Variants in ARMC12 observed in about 807,000 individuals in gnomAD.
ARMC12 encodes the protein armadillo repeat-containing protein 12.
A neutral mutation model predicts 37.4 loss-of-function variants in ARMC12; 25 were observed. That is an observed-to-expected ratio of 0.67 (90% CI 0.49 to 0.93). The LOEUF (loss-of-function observed/expected upper bound fraction) is 0.93. Among genes scored for constraint, ARMC12 ranks in the 40% least tolerant of loss-of-function variants. The pLI is 0.00. For synonymous variants in ARMC12, 167 were observed against 176.1 expected (o/e 0.95, Z 0.41); for missense variants, 384 against 426.6 (o/e 0.90, Z 0.88).
rs1321010729 is a variant in ARMC12, at chr6:35,748,920, T to C, written c.*50T>C. 7 of 1,525,452 alleles carry C rather than the reference T, an allele frequency of 4.6e-6. No individual in the cohort carries two copies. Among genetic ancestry groups the C allele is most frequent in the Non-Finnish European group, 6.2e-6 (7 of 1,132,322 alleles). 94.5% of individuals were successfully genotyped at this position (1,525,452 alleles called of 1,614,324 possible). On this transcript the variant is annotated 3_prime_UTR_variant, in exon 6 of 6. Coordinates refer to ENST00000373866, the MANE Select transcript of ARMC12 (RefSeq NM_001286574.2). ...TATAGGAGAGAAACTTGAAGTTTCTTGAAGCTCGAATGTCTGTTGGTGGCC... is the reference window on the plus strand; with the variant it reads ...TATAGGAGAGAAACTTGAAGTTTCTCGAAGCTCGAATGTCTGTTGGTGGCC...
At chr6:35,742,527 G>T (rs1174688962) in intron 3 of ARMC12, among the ~76,000 whole-genome samples, 1 of 141,798 alleles carries the variant, frequency 7.1e-6, no homozygotes, top group South Asian at 2.3e-4. Flanking sequence ...AAAAGCCCAG[G>T]GAGTTCAGTT....
At chr6:35,733,102 G>A (rs1766872940), upstream of ARMC12, among the ~76,000 whole-genome samples, 2 of 152,174 alleles carry the variant, frequency 1.3e-5, no homozygotes, top group Non-Finnish European at 2.9e-5. Flanking sequence ...AACCTGGGAG[G>A]CGGAGGTTGC....
the ARMC12 span, among the ~76,000 whole-genome samples, chr6:35,731,533 T>G: frequency 3.4e-4 from 51 of 151,780 alleles, no homozygotes; most frequent in East Asian, 3.1e-3. Context: ...CCTCTCTCCA[T>G]CGTCTCCTGG....
upstream of ARMC12, chr6:35,734,068 G>C (rs1766897191): frequency 1.3e-5 from 2 of 152,198 alleles, no homozygotes; most frequent in African/African-American, 4.8e-5. Flanking sequence ...ACAAGTGAAA[G>C]CCAGGTTCCC....
chr6:35,734,387 C>G (rs576196308), upstream of ARMC12, among the ~76,000 whole-genome samples: 130 of 152,278 alleles, frequency 8.5e-4, 2 homozygotes, highest in Middle Eastern at 0.02. Context: ...GGCTCGAACT[C>G]CTGGGCTCAA....
At chr6:35,731,773 G>A in the ARMC12 span, among the ~76,000 whole-genome samples, 1 of 152,142 alleles carries the variant, frequency 6.6e-6, no homozygotes, top group Non-Finnish European at 1.5e-5. Flanking sequence ...AACAGCTGCG[G>A]GCCACGAGAT....
intron 3 of ARMC12, among the ~76,000 whole-genome samples, chr6:35,746,278 G>A (rs571588094): frequency 6.6e-6 from 1 of 152,206 alleles, no homozygotes; most frequent in South Asian, 2.1e-4. Context: ...GCTAAGCAGA[G>A]GGCACAGCCT....
At chr6:35,743,132 CTTGCTTACTTCTTACATGGCTCATAAAG>C (rs1229847959) in intron 3 of ARMC12, among the ~76,000 whole-genome samples, 1 of 151,804 alleles carries the variant, frequency 6.6e-6, no homozygotes, top group African/African-American at 2.4e-5. Flanking sequence ...CTCCAGGACT[CTTGCTTACTTCTTACATGGCTCATAAAG>C]GTGCAGCTCG....
In ARMC12 at chr6:35,741,816, A is replaced by G. The variant is rs193302706; in HGVS notation, c.444+3298A>G. On this transcript the variant is annotated intron_variant, in intron 3 of 5. Transcript: ENST00000373866. ...CAACTATGATATATCAATAAAAGCA[A>G]ACACACAAAAGAATAAAAATAGATT... 2.0e-3 allele frequency among the ~76,000 whole-genome samples: 300 copies of G among 152,292 alleles called. 2 individuals carry two copies. Among genetic ancestry groups the G allele is most frequent in the African/African-American group, 6.7e-3 (277 of 41,554 alleles).
intron 3 of ARMC12, among the ~76,000 whole-genome samples, chr6:35,744,757 A>C (rs533118389): frequency 1.6e-4 from 25 of 152,306 alleles, no homozygotes; most frequent in Non-Finnish European, 2.6e-4. Flanking sequence ...TCTGTCTAAA[A>C]ACAAAAACAA....
intron 3 of ARMC12, among the ~76,000 whole-genome samples, chr6:35,742,071 G>T (rs886734348): frequency 2.8e-4 from 42 of 151,644 alleles, no homozygotes; most frequent in Non-Finnish European, 5.6e-4. Context: ...TGTTCAGGCT[G>T]GTCTCGAACT....
chr6:35,731,625 G>A, the ARMC12 span, among the ~76,000 whole-genome samples: 1 of 152,162 alleles, frequency 6.6e-6, no homozygotes, highest in Admixed American at 6.5e-5. Flanking sequence ...CGCCGGGCCA[G>A]CATCTAACTA....
intron 2 of ARMC12, 98 bp from the exon 3 acceptor site, chr6:35,738,286 T>TGGA: frequency 1.9e-6 from 2 of 1,059,414 alleles, no homozygotes; most frequent in Non-Finnish European, 2.5e-6. Flanking sequence ...CTGATAGCGG[T>TGGA]GGGGGGGGGG....
upstream of ARMC12, among the ~76,000 whole-genome samples, chr6:35,732,696 A>G (rs1384979715): frequency 1.3e-5 from 2 of 152,224 alleles, no homozygotes; most frequent in African/African-American, 4.8e-5. Flanking sequence ...ATACTGGTAA[A>G]GAGAATGAGG....
chr6:35,747,713 G>A (rs1767386374), intron 5 of ARMC12, 66 bp downstream of exon 5: 2 of 1,505,852 alleles, frequency 1.3e-6, no homozygotes, highest in Non-Finnish European at 1.8e-6. Context: ...GAAGAATCAT[G>A]GCATCTCCAG....
intron 5 of ARMC12, 124 bp downstream of exon 5, chr6:35,747,771 C>A (rs1418643581): frequency 7.3e-6 from 7 of 955,252 alleles, no homozygotes; most frequent in East Asian, 2.6e-5. Context: ...TGCCTCTGCA[C>A]TAAATGCACT....
At chr6:35,740,005 T>C (rs1767118803) in intron 3 of ARMC12, among the ~76,000 whole-genome samples, 1 of 152,230 alleles carries the variant, frequency 6.6e-6, no homozygotes, top group Admixed American at 6.5e-5. Context: ...TTCATTAGCA[T>C]AAGCTCTGTT....
chr6:35,747,132 G>T, intron 3 of ARMC12, 129 bp from the exon 4 acceptor site: 1 of 932,082 alleles, frequency 1.1e-6, no homozygotes, highest in Non-Finnish European at 1.5e-6. Context: ...ATTATGTTGA[G>T]AGTTAGGGAG....
At chr6:35,747,781 T>C (rs1015168342) in intron 5 of ARMC12, 134 bp downstream of exon 5, 6 of 887,020 alleles carry the variant, frequency 6.8e-6, no homozygotes, top group Admixed American at 2.4e-5. Flanking sequence ...CTAAATGCAC[T>C]GAAAATCATG....
Sources: gnomAD v4.1 joint callset for allele counts (sites outside exome capture counted in the v4.1 genomes callset) on GRCh38, gnomAD v4.1.1 for gene constraint, MANE v1.5 for transcripts, NCBI Gene and HGNC (gene_info 2026-07-23, HGNC 2026-07-21) for gene names.